Variants in TMEM131 observed in about 807,000 individuals in gnomAD.
TMEM131 encodes the protein 2610524E03Rik.
TMEM131 carries 66 observed loss-of-function variants against 211.6 expected under a neutral mutation model. That is an observed-to-expected ratio of 0.31 (90% CI 0.26 to 0.38). TMEM131 has a LOEUF of 0.38. Among genes scored for constraint, TMEM131 ranks in the 10% least tolerant of loss-of-function variants. The pLI is 1.00. For synonymous variants in TMEM131, 844 were observed against 841.3 expected, an observed-to-expected ratio of 1.00 and a Z score of -0.06; for missense variants, 2,036 against 2,299.3, an observed-to-expected ratio of 0.89 and a Z score of 2.34.
intron 1 of TMEM131, among the ~76,000 whole-genome samples, chr2:97,962,679 C>A (rs1309955889): frequency 6.6e-6 from 1 of 152,134 alleles, no homozygotes; most frequent in East Asian, 1.9e-4. Flanking sequence ...CAATCTACTC[C>A]CAGGTATTAC....
intron 1 of TMEM131, among the ~76,000 whole-genome samples, chr2:97,993,078 T>A (rs1375729632): frequency 6.6e-6 from 1 of 152,252 alleles, no homozygotes; most frequent in African/African-American, 2.4e-5. Flanking sequence ...AGGTAATTTA[T>A]TTCTGCAGCT....
At chr2:97,975,662 G>A (rs1679497543) in intron 1 of TMEM131, among the ~76,000 whole-genome samples, 1 of 151,852 alleles carries the variant, frequency 6.6e-6, no homozygotes, top group Admixed American at 6.6e-5. Flanking sequence ...AAGCCTAGAT[G>A]GCTTCAATGG....
intron 31 of TMEM131, among the ~76,000 whole-genome samples, chr2:97,785,439 T>G (rs1680201734): frequency 6.6e-6 from 1 of 152,150 alleles, no homozygotes; most frequent in South Asian, 2.1e-4. Context: ...CATTATCCAT[T>G]AGAAAATAAC....
chr2:97,758,851 G>A (rs1173869830), intron 40 of TMEM131, 42 bp downstream of exon 40: 9 of 1,570,954 alleles, frequency 5.7e-6, no homozygotes, highest in Non-Finnish European at 6.9e-6. Flanking sequence ...TGGCGAGTGG[G>A]TGGGCCAGGT....
In TMEM131 at chr2:97,883,043, G is replaced by A. The variant is rs185086438; in HGVS notation, c.359+5009C>T. Reference sequence around the variant, plus strand: ...GTGGAGCCTTCTTTCTGGGTCACAGGTGACACCTTCTAGCTGGGTCCTCAC... The same window carrying A: ...GTGGAGCCTTCTTTCTGGGTCACAGATGACACCTTCTAGCTGGGTCCTCAC... On this transcript the variant is annotated intron_variant, in intron 4 of 40. Transcript: ENST00000186436. Among the ~76,000 whole-genome samples, 321 of 152,222 alleles carry A rather than the reference G, an allele frequency of 2.1e-3. 2 individuals are homozygous for A. Among genetic ancestry groups the A allele is most frequent in the African/African-American group, 7.3e-3 (303 of 41,536 alleles).
At chr2:97,978,022 G>C (rs888129717) in intron 1 of TMEM131, among the ~76,000 whole-genome samples, 1 of 152,182 alleles carries the variant, frequency 6.6e-6, no homozygotes, top group Non-Finnish European at 1.5e-5. Context: ...GGGAGGTGGA[G>C]GTTGCAGTGA....
At chr2:97,801,626 T>C (rs1191277029) in intron 25 of TMEM131, among the ~76,000 whole-genome samples, 2 of 152,226 alleles carry the variant, frequency 1.3e-5, no homozygotes, top group Non-Finnish European at 2.9e-5. Flanking sequence ...ATTCTCAGAA[T>C]TTCTGTAATT....
At chr2:97,914,513 T>G (rs550137796) in intron 2 of TMEM131, among the ~76,000 whole-genome samples, 8 of 152,310 alleles carry the variant, frequency 5.3e-5, no homozygotes, top group Non-Finnish European at 1.0e-4. Flanking sequence ...GTGTGTCGCT[T>G]TTATAATCAC....
At chr2:97,910,405 G>C (rs1676247756) in intron 2 of TMEM131, among the ~76,000 whole-genome samples, 1 of 151,998 alleles carries the variant, frequency 6.6e-6, no homozygotes, top group South Asian at 2.1e-4. Context: ...CTGAAAACAG[G>C]GGCTCAAAAA....
chr2:97,761,925 G>T, intron 36 of TMEM131, 110 bp downstream of exon 36: 1 of 1,271,602 alleles, frequency 7.9e-7, no homozygotes, highest in Non-Finnish European at 1.0e-6. Context: ...GCCATCAGAA[G>T]TAACACCAGA....
rs1040085148 is a variant in TMEM131 at position 97,759,632 on chromosome 2, A to C, written c.5206+20T>G. On this transcript the variant is annotated intron_variant, in intron 39 of 40. Transcript: ENST00000186436. ...CTGTCCACAGGCTTATTAGTTACACATCTAGTGTTAAACACTCACCACCAG... is the reference window on the plus strand; with the variant it reads ...CTGTCCACAGGCTTATTAGTTACACCTCTAGTGTTAAACACTCACCACCAG... 1.3e-6 allele frequency: 2 copies of C among 1,581,288 alleles called. No homozygotes were observed. The highest frequency in any genetic ancestry group is 1.7e-6 in the Non-Finnish European group (2 of 1,152,808).
At chr2:97,990,477 C>T (rs986624740) in intron 1 of TMEM131, among the ~76,000 whole-genome samples, 3 of 152,136 alleles carry the variant, frequency 2.0e-5, no homozygotes, top group Admixed American at 6.5e-5. Context: ...TGTCTTAGGG[C>T]GGAATCCTGG....
intron 1 of TMEM131, among the ~76,000 whole-genome samples, chr2:97,935,387 T>C (rs189295168): frequency 3.8e-4 from 58 of 152,344 alleles, no homozygotes; most frequent in African/African-American, 1.3e-3. Flanking sequence ...TAACTTCTTA[T>C]AACAGTGTAT....
chr2:97,864,097 C>T lies in TMEM131; in HGVS notation c.360-4670G>A, dbSNP rs550276047. 6.6e-5 allele frequency among the ~76,000 whole-genome samples: 10 copies of T among 152,230 alleles called. No homozygotes were observed. The South Asian group carries it at 2.1e-3, about 32-fold the overall frequency. ...CAACAACCTGGATGGAGCTAGAGAA[C>T]ATTATGTTAAGTAAAATAAGCCAGA... On this transcript the variant is annotated intron_variant, in intron 4 of 40. Transcript: ENST00000186436.
intron 3 of TMEM131, among the ~76,000 whole-genome samples, chr2:97,889,479 T>A (rs1238067931): frequency 6.6e-6 from 1 of 151,746 alleles, no homozygotes; most frequent in Non-Finnish European, 1.5e-5. Context: ...GAAACTCAAA[T>A]TTACATAAAT....
chr2:97,953,001 T>G (rs1678393719), intron 1 of TMEM131, among the ~76,000 whole-genome samples: 1 of 152,202 alleles, frequency 6.6e-6, no homozygotes, highest in Non-Finnish European at 1.5e-5. Context: ...AATTAAAAAT[T>G]TTGTCACTAC....
chr2:97,975,244 GA>G (rs71386041), intron 1 of TMEM131, among the ~76,000 whole-genome samples: 4,273 of 139,048 alleles, frequency 0.031, 173 homozygotes, highest in African/African-American at 0.096. Flanking sequence ...AGTAAGCAAA[GA>G]AAAAAAAAAG....
chr2:97,871,432 G>C (rs1234691874), intron 4 of TMEM131, among the ~76,000 whole-genome samples: 1 of 152,144 alleles, frequency 6.6e-6, no homozygotes, highest in East Asian at 1.9e-4. Context: ...ATGAGGTTAG[G>C]GTTATCAGAG....
At chr2:97,782,673 A>G (rs952800705) in intron 31 of TMEM131, among the ~76,000 whole-genome samples, 4 of 152,264 alleles carry the variant, frequency 2.6e-5, no homozygotes, top group African/African-American at 9.6e-5. Context: ...TGGAAATGTC[A>G]GAACTGAAAA....
Sources: allele counts gnomAD v4.1 joint callset (sites outside exome capture counted in the v4.1 genomes callset), GRCh38; gene constraint gnomAD v4.1.1; transcripts MANE v1.5; gene names NCBI Gene and HGNC (gene_info 2026-07-23, HGNC 2026-07-21).